Variants in FSTL4 observed in about 807,000 individuals in gnomAD.
FSTL4 encodes follistatin-related protein 4.
Under a neutral mutation model 78.2 loss-of-function variants are expected in FSTL4, and 28 were observed. The observed-to-expected ratio is 0.36, with a 90% CI of 0.27 to 0.49. FSTL4 has a LOEUF of 0.49. Ranked by LOEUF, FSTL4 falls within the 20% of genes least tolerant of loss-of-function variation. FSTL4 has a pLI of 0.98. For synonymous variants in FSTL4, 422 were observed against 440.5 expected, an observed-to-expected ratio of 0.96 and a Z score of 0.53; for missense variants, 922 against 1,084.9, an observed-to-expected ratio of 0.85 and a Z score of 2.11.
intron 4 of FSTL4, among the ~76,000 whole-genome samples, chr5:133,354,169 C>T (rs1282048303): frequency 2.7e-5 from 4 of 148,368 alleles, no homozygotes; most frequent in Admixed American, 2.0e-4. Flanking sequence ...GAGAGATAGC[C>T]GCCAAAAAGA....
At chr5:133,464,709 G>A (rs1757668114) in intron 3 of FSTL4, among the ~76,000 whole-genome samples, 1 of 152,230 alleles carries the variant, frequency 6.6e-6, no homozygotes, top group Non-Finnish European at 1.5e-5. Flanking sequence ...TGGACCTGGA[G>A]GCCACACAGA....
At chr5:133,339,340 T>G (rs1754535847) in intron 4 of FSTL4, among the ~76,000 whole-genome samples, 2 of 152,276 alleles carry the variant, frequency 1.3e-5, no homozygotes, top group Admixed American at 6.5e-5. Context: ...CTCTGGCAAC[T>G]GGGCACAGGC....
chr5:133,197,930 A>AG lies in FSTL4; in HGVS notation c.*1164dup, dbSNP rs951568160. 5.9e-5 allele frequency: 9 copies of AG among 152,616 alleles called. No homozygotes were observed. The highest frequency in any genetic ancestry group is 1.9e-4 in the East Asian group (1 of 5,196). 9.5% of individuals were successfully genotyped at this position (152,616 alleles called of 1,614,324 possible). The stretch of plus-strand genomic sequence containing the variant: ...TGTGGCCTTCTGTTCTGGGTTCTGC[A>AG]GTGTGTGTGTATTGATTGGGGAATG... On this transcript the variant is annotated 3_prime_UTR_variant, in exon 16 of 16. Coordinates refer to ENST00000265342, the MANE Select transcript of FSTL4 (RefSeq NM_015082.2).
intron 3 of FSTL4, among the ~76,000 whole-genome samples, chr5:133,438,777 G>T (rs965516230): frequency 6.6e-6 from 1 of 152,236 alleles, no homozygotes; most frequent in African/African-American, 2.4e-5. Flanking sequence ...ATTTGATTTT[G>T]AGGATGAGCA....
chr5:133,244,541 C>T (rs1242640077), intron 7 of FSTL4: 2 of 152,066 alleles, frequency 1.3e-5, no homozygotes, highest in Non-Finnish European at 2.9e-5. Flanking sequence ...CGTGAGCAGA[C>T]ACTACTGATT....
chr5:133,595,448 T>C (rs1024914409), intron 2 of FSTL4, among the ~76,000 whole-genome samples: 13 of 152,346 alleles, frequency 8.5e-5, no homozygotes, highest in African/African-American at 3.1e-4. Context: ...AACAAATATC[T>C]GAACATCCTG....
chr5:133,370,696 G>A (rs1343885483), intron 4 of FSTL4, among the ~76,000 whole-genome samples: 4 of 152,112 alleles, frequency 2.6e-5, no homozygotes, highest in Non-Finnish European at 4.4e-5. Context: ...GAGGGATGAG[G>A]CGGTGCTGTG....
chr5:133,532,770 G>C (rs1444220543), intron 3 of FSTL4, among the ~76,000 whole-genome samples: 5 of 152,160 alleles, frequency 3.3e-5, no homozygotes, highest in African/African-American at 1.2e-4. Flanking sequence ...GTCACCTGTG[G>C]CCATCCTGGC....
intron 3 of FSTL4, among the ~76,000 whole-genome samples, chr5:133,506,570 T>C (rs982142501): frequency 6.6e-6 from 1 of 152,184 alleles, no homozygotes; most frequent in Non-Finnish European, 1.5e-5. Context: ...CTTATTCATA[T>C]GGTTCATATA....
intron 6 of FSTL4, among the ~76,000 whole-genome samples, chr5:133,262,475 A>C (rs189432585): frequency 1.3e-5 from 2 of 152,304 alleles, no homozygotes; most frequent in East Asian, 3.9e-4. Context: ...ATGCTTGTTC[A>C]ATACCCATGC....
At chr5:133,614,031 A>G (rs1761158248), upstream of FSTL4, among the ~76,000 whole-genome samples, 1 of 152,166 alleles carries the variant, frequency 6.6e-6, no homozygotes, top group Non-Finnish European at 1.5e-5. Flanking sequence ...AAATGAGTAT[A>G]AAAGGAAGCA....
intron 3 of FSTL4, among the ~76,000 whole-genome samples, chr5:133,478,428 G>A (rs1188903364): frequency 4.0e-5 from 6 of 151,690 alleles, no homozygotes; most frequent in South Asian, 2.1e-4. Context: ...AGGAGCATCC[G>A]TAGCTGTGGT....
intron 4 of FSTL4, among the ~76,000 whole-genome samples, chr5:133,327,682 G>C (rs1463123865): frequency 1.3e-5 from 2 of 152,236 alleles, no homozygotes; most frequent in Admixed American, 6.5e-5. Context: ...AAGGGCTTCA[G>C]GGGGAGGAGG....
chr5:133,240,023 G>A (rs934927146), intron 7 of FSTL4, among the ~76,000 whole-genome samples: 2 of 152,200 alleles, frequency 1.3e-5, no homozygotes, highest in Non-Finnish European at 2.9e-5. Context: ...CGCAGTGGAA[G>A]CTTTGTTCTT....
chr5:133,726,413 T>A, the FSTL4 span, among the ~76,000 whole-genome samples: 1 of 152,178 alleles, frequency 6.6e-6, no homozygotes, highest in Non-Finnish European at 1.5e-5. Context: ...TGGGTCCCCA[T>A]CTACAAGGAA....
the FSTL4 span, among the ~76,000 whole-genome samples, chr5:133,753,809 G>T: frequency 6.6e-6 from 1 of 151,942 alleles, no homozygotes; most frequent in East Asian, 1.9e-4. Context: ...GGTAGTGAGT[G>T]GCTGTCTGGG....
At chr5:133,233,241 T>C (rs1025633690) in intron 8 of FSTL4, among the ~76,000 whole-genome samples, 176 bp downstream of exon 8, 2 of 152,328 alleles carry the variant, frequency 1.3e-5, no homozygotes, top group Middle Eastern at 3.4e-3. Context: ...AATATGAAAA[T>C]TGGTCAACAG....
intron 6 of FSTL4, among the ~76,000 whole-genome samples, chr5:133,277,639 G>A (rs553806961): frequency 6.6e-6 from 1 of 152,202 alleles, no homozygotes; most frequent in Non-Finnish European, 1.5e-5. Flanking sequence ...GGCAAGTCCT[G>A]GGAGGAGCCT....
chr5:133,224,652 T>C (rs368117712), intron 10 of FSTL4, among the ~76,000 whole-genome samples: 69 of 152,332 alleles, frequency 4.5e-4, no homozygotes, highest in East Asian at 1.3e-3. Context: ...TTGACCATGA[T>C]TAACACCCAT....
Sources: allele counts gnomAD v4.1 joint callset (sites outside exome capture counted in the v4.1 genomes callset), GRCh38; gene constraint gnomAD v4.1.1; transcripts MANE v1.5; gene names NCBI Gene and HGNC (gene_info 2026-07-23, HGNC 2026-07-21).